WIPF3: variants seen among roughly 807,000 people sequenced by gnomAD.
WIPF3 encodes the protein WAS/WASL-interacting protein family member 3.
A neutral mutation model predicts 38.9 loss-of-function variants in WIPF3; 33 were observed. That is an observed-to-expected ratio of 0.85 (90% CI 0.64 to 1.14). The LOEUF is 1.14. WIPF3 is among the 50% of genes most tolerant of loss of function. The pLI is 0.00. For synonymous variants in WIPF3, 324 were observed against 269.3 expected (o/e 1.20, Z -1.99); for missense variants, 711 against 652.5 (o/e 1.09, Z -0.98).
intron 4 of WIPF3, among the ~76,000 whole-genome samples, chr7:29,880,722 A>G (rs759340724): frequency 6.6e-6 from 1 of 152,186 alleles, no homozygotes; most frequent in Admixed American, 6.5e-5. Flanking sequence ...GAAGACAAGA[A>G]TTTATCTCTT....
intron 7 of WIPF3, among the ~76,000 whole-genome samples, chr7:29,901,358 C>T (rs1022600461): frequency 4.0e-5 from 6 of 149,916 alleles, no homozygotes; most frequent in South Asian, 4.3e-4. Flanking sequence ...GACTAAGTCC[C>T]GGCCACTCAC....
chr7:29,896,255 G>T (rs1332800173), intron 7 of WIPF3, among the ~76,000 whole-genome samples: 1 of 152,048 alleles, frequency 6.6e-6, no homozygotes, highest in Non-Finnish European at 1.5e-5. Context: ...ACTGCAGTGA[G>T]CTATGATTGT....
Position 29,915,307 on chromosome 7 carries a change from A to G in WIPF3, c.*791A>G, listed in dbSNP as rs1786591189. ...CAGTCCCATCCCAGTAGCCAGCTTTATGAGATTTTGGTATTTCTTCCCTAC... is the reference window on the plus strand; with the variant it reads ...CAGTCCCATCCCAGTAGCCAGCTTTGTGAGATTTTGGTATTTCTTCCCTAC... On this transcript the variant is annotated 3_prime_UTR_variant, in exon 9 of 9. Transcript: ENST00000242140. 6.6e-6 allele frequency: 1 copy of G among 152,000 alleles called. No homozygotes were observed. Among genetic ancestry groups the G allele is most frequent in the Non-Finnish European group, 1.5e-5 (1 of 68,046 alleles). The allele number at this position is 152,000 out of a possible 1,614,324, so 9.4% of individuals were successfully genotyped here.
intron 8 of WIPF3, among the ~76,000 whole-genome samples, chr7:29,911,042 A>AC (rs397760464): frequency 3.3e-5 from 5 of 151,902 alleles, no homozygotes; most frequent in Non-Finnish European, 7.4e-5. Context: ...CAAAAAAAAA[A>AC]CTGTTAGAAA....
chr7:29,832,629 G>A (rs1176256894), intron 1 of WIPF3, among the ~76,000 whole-genome samples: 1 of 152,178 alleles, frequency 6.6e-6, no homozygotes, highest in Non-Finnish European at 1.5e-5. Flanking sequence ...GAAATACTTT[G>A]TAAGAAAAGT....
chr7:29,871,560 C>T (rs150441310), intron 2 of WIPF3, among the ~76,000 whole-genome samples: 15 of 152,214 alleles, frequency 9.9e-5, no homozygotes, highest in African/African-American at 3.4e-4. Flanking sequence ...TTCACAATTA[C>T]GAGTATTGGA....
At chr7:29,874,473 G>C (rs73075945) in intron 2 of WIPF3, among the ~76,000 whole-genome samples, 3 of 152,086 alleles carry the variant, frequency 2.0e-5, no homozygotes, top group Non-Finnish European at 4.4e-5. Flanking sequence ...AGAGAAAACA[G>C]TGAATGGCCT....
intron 7 of WIPF3, among the ~76,000 whole-genome samples, chr7:29,890,920 C>CCTTGTGCTCAGGTGGAGGGGGCAT (rs1301653601): frequency 1.4e-5 from 1 of 71,766 alleles, no homozygotes; most frequent in African/African-American, 4.9e-5. Context: ...GGGGGGAATG[C>CCTTGTGCTCAGGTGGAGGGGGCAT]GGGCCTGCCT....
chr7:29,901,545 C>T (rs1186492773), intron 7 of WIPF3, among the ~76,000 whole-genome samples: 1 of 151,852 alleles, frequency 6.6e-6, no homozygotes, highest in Non-Finnish European at 1.5e-5. Flanking sequence ...AATCCCGACA[C>T]TTTGGGAGGC....
rs796635213 is a variant in WIPF3, at chr7:29,837,359, AAAAC to A, written c.90+2561_90+2564del. ...CAACAGAGTGAGACTCCGTCTCAAA[AAAAC>A]AAACAAACAAACAAATGAAAAACAC... On this transcript the variant is annotated intron_variant, in intron 2 of 8. Transcript: ENST00000242140. 2.8e-3 allele frequency among the ~76,000 whole-genome samples: 430 copies of A among 152,362 alleles called. 2 individuals are homozygous for A. Among genetic ancestry groups the A allele is most frequent in the African/African-American group, 0.01 (416 of 41,574 alleles).
At chr7:29,846,433 G>A (rs1345032980) in intron 2 of WIPF3, among the ~76,000 whole-genome samples, 10 of 152,216 alleles carry the variant, frequency 6.6e-5, no homozygotes, top group Non-Finnish European at 1.2e-4. Context: ...AGGCACGTTG[G>A]CTCATGCCTG....
intron 8 of WIPF3, among the ~76,000 whole-genome samples, chr7:29,910,864 G>T (rs1786492547): frequency 6.6e-6 from 1 of 152,180 alleles, no homozygotes; most frequent in Non-Finnish European, 1.5e-5. Flanking sequence ...AACAAGGCAA[G>T]GATGCCTGCT....
chr7:29,854,213 C>T (rs1355381878), intron 2 of WIPF3, among the ~76,000 whole-genome samples: 1 of 152,202 alleles, frequency 6.6e-6, no homozygotes, highest in East Asian at 1.9e-4. Context: ...GCCTAGCCAC[C>T]TGCTGCTGGT....
In WIPF3 at chr7:29,884,567, T is replaced by C; in HGVS notation, c.1073T>C (p.Leu358Pro). ...PPAPPGSQPF[L>P]QKKRHGRPGA... ...GCCCCTCCGGGCTCCCAGCCGTTCC[T>C]GCAGAAGAAGAGGCATGGCCGACCA... Residue 358 changes from leucine (L) to proline (P), a missense_variant, in exon 5 of 9, where the codon CTG (leucine) becomes CCG (proline). Physicochemically the swap from Leu to Pro is moderately conservative, Grantham distance 98. Transcript: ENST00000242140. 1 of 1,604,536 alleles carries C rather than the reference T, an allele frequency of 6.2e-7. No homozygotes were observed. The highest frequency in any genetic ancestry group is 8.5e-7 in the Non-Finnish European group (1 of 1,176,808).
rs930407170 is a variant in WIPF3 at position 29,914,696 on chromosome 7, G to A, written c.*180G>A. On this transcript the variant is annotated 3_prime_UTR_variant, in exon 9 of 9. Coordinates refer to ENST00000242140, the MANE Select transcript of WIPF3 (RefSeq NM_001080529.3). Reference sequence around the variant, plus strand: ...CAGTATTTTAATTGACTTTTATTTCGGTAATATTTTTTAAAACACCCCTCA... The same window carrying A: ...CAGTATTTTAATTGACTTTTATTTCAGTAATATTTTTTAAAACACCCCTCA... 2 of 440,510 alleles carry A rather than the reference G, an allele frequency of 4.5e-6. No individual in the cohort carries two copies. Among genetic ancestry groups the A allele is most frequent in the African/African-American group, 2.1e-5 (1 of 48,656 alleles). 27.3% of individuals were successfully genotyped at this position (440,510 alleles called of 1,614,324 possible). A position where few individuals can be genotyped will look rare whatever the true frequency, so the allele number is the denominator to read the frequency against.
At chr7:29,875,763 C>G (rs1785579063) in intron 2 of WIPF3, 67 bp from the exon 3 acceptor site, 2 of 1,576,148 alleles carry the variant, frequency 1.3e-6, no homozygotes, top group South Asian at 1.2e-5. Flanking sequence ...GAGAAACTGA[C>G]AGCAGACAGG....
At chr7:29,909,540 T>G in intron 8 of WIPF3, among the ~76,000 whole-genome samples, 1 of 152,166 alleles carries the variant, frequency 6.6e-6, no homozygotes, top group Non-Finnish European at 1.5e-5. Flanking sequence ...AAAAGTTGGA[T>G]GACCTAGATG....
At chr7:29,829,193 T>C (rs955098538) in intron 1 of WIPF3, among the ~76,000 whole-genome samples, 10 of 148,792 alleles carry the variant, frequency 6.7e-5, no homozygotes, top group African/African-American at 2.5e-4. Flanking sequence ...TCCTGGGGCA[T>C]TTATCTGACT....
intron 2 of WIPF3, among the ~76,000 whole-genome samples, chr7:29,875,246 G>A (rs1327816491): frequency 1.3e-5 from 2 of 152,100 alleles, no homozygotes; most frequent in Admixed American, 1.3e-4. Flanking sequence ...TTCAAAGCCA[G>A]CTCCTAGAGC....
Sources: allele counts gnomAD v4.1 joint callset (sites outside exome capture counted in the v4.1 genomes callset), GRCh38; gene constraint gnomAD v4.1.1; transcripts MANE v1.5; gene names NCBI Gene and HGNC (gene_info 2026-07-23, HGNC 2026-07-21).